GABRG2: variants seen among roughly 807,000 people sequenced by gnomAD.
The protein encoded by GABRG2 is gamma-aminobutyric acid type A receptor subunit gamma2, also known as gamma-aminobutyric acid receptor subunit gamma-2.
Under a neutral mutation model 56.4 loss-of-function variants are expected in GABRG2, and 16 were observed. That is an observed-to-expected ratio of 0.28 (90% CI 0.19 to 0.43). The LOEUF (loss-of-function observed/expected upper bound fraction) is 0.43, where lower values mean the gene tolerates loss of function less well. Among genes scored for constraint, GABRG2 ranks in the 20% least tolerant of loss-of-function variants. The pLI, the probability that GABRG2 is intolerant of heterozygous loss-of-function variation, is 1.00. For missense variants in GABRG2, 327 were observed against 582.7 expected (o/e 0.56, Z 4.52); for synonymous variants, 208 against 205.5 (o/e 1.01, Z -0.10).
intron 6 of GABRG2, among the ~76,000 whole-genome samples, chr5:162,106,402 A>C (rs1761828944): frequency 6.6e-6 from 1 of 152,160 alleles, no homozygotes; most frequent in Non-Finnish European, 1.5e-5. Flanking sequence ...GGTGACGAGA[A>C]AGGGCTGAAT....
chr5:162,077,005 T>G (rs1190524639), intron 1 of GABRG2, among the ~76,000 whole-genome samples: 2 of 152,004 alleles, frequency 1.3e-5, no homozygotes, highest in African/African-American at 2.4e-5. Context: ...TTCAATAAAT[T>G]ATTCAGAATT....
At chr5:162,148,855 T>C (rs1338072404) in intron 7 of GABRG2, among the ~76,000 whole-genome samples, 2 of 152,214 alleles carry the variant, frequency 1.3e-5, no homozygotes, top group Non-Finnish European at 2.9e-5. Context: ...ATTCACAGTA[T>C]ATCTCTCTCA....
chr5:162,149,709 G>C, intron 8 of GABRG2: 1 of 494,820 alleles, frequency 2.0e-6, no homozygotes, highest in Non-Finnish European at 4.0e-6. Flanking sequence ...TGCCTCCTAG[G>C]TTCAAGCAAT....
intron 1 of GABRG2, among the ~76,000 whole-genome samples, chr5:162,079,940 C>T (rs1420941649): frequency 6.6e-6 from 1 of 152,178 alleles, no homozygotes; most frequent in South Asian, 2.1e-4. Flanking sequence ...CCACCATGCT[C>T]AGCTAATTTT....
At chr5:162,073,279 A>G (rs1403882509) in intron 1 of GABRG2, among the ~76,000 whole-genome samples, 2 of 151,802 alleles carry the variant, frequency 1.3e-5, no homozygotes, top group South Asian at 2.1e-4. Flanking sequence ...TTTTTTTTTA[A>G]TATAAGAGCA....
chr5:162,152,941 T>C (rs997688882), intron 9 of GABRG2, 152 bp from the exon 10 acceptor site: 5 of 924,948 alleles, frequency 5.4e-6, no homozygotes, highest in Non-Finnish European at 8.4e-6. Context: ...TCTTTCTAAG[T>C]TCAATTTTAC....
At chr5:162,072,719 A>G (rs1041842559) in intron 1 of GABRG2, among the ~76,000 whole-genome samples, 1 of 151,970 alleles carries the variant, frequency 6.6e-6, no homozygotes, top group Non-Finnish European at 1.5e-5. Flanking sequence ...ACATACACAG[A>G]CACAATCCTG....
At chr5:162,105,085 G>C (rs955466366) in intron 6 of GABRG2, among the ~76,000 whole-genome samples, 7 of 152,084 alleles carry the variant, frequency 4.6e-5, no homozygotes, top group African/African-American at 1.7e-4. Flanking sequence ...TGTTGATTTA[G>C]TCACAAACAC....
chr5:162,089,989 G>C (rs907656463), intron 1 of GABRG2, among the ~76,000 whole-genome samples: 1 of 152,086 alleles, frequency 6.6e-6, no homozygotes, highest in Non-Finnish European at 1.5e-5. Flanking sequence ...TGTTAAAATT[G>C]TGAGCAACCT....
At chr5:162,089,560 TA>T (rs1370996582) in intron 1 of GABRG2, among the ~76,000 whole-genome samples, 1 of 152,054 alleles carries the variant, frequency 6.6e-6, no homozygotes, top group Non-Finnish European at 1.5e-5. Context: ...ATTGCACTTA[TA>T]AAAAAGTAAA....
intron 6 of GABRG2, among the ~76,000 whole-genome samples, chr5:162,130,104 G>T (rs924951185): frequency 6.6e-6 from 1 of 151,910 alleles, no homozygotes; most frequent in Non-Finnish European, 1.5e-5. Flanking sequence ...AAAGTGTACA[G>T]AGGTTTTAAA....
intron 1 of GABRG2, among the ~76,000 whole-genome samples, chr5:162,085,265 A>T (rs992494101): frequency 1.3e-5 from 2 of 152,020 alleles, no homozygotes; most frequent in African/African-American, 4.8e-5. Flanking sequence ...TATTAAGTGG[A>T]ACGAGGTCAT....
chr5:162,089,701 A>T (rs1373872134), intron 1 of GABRG2, among the ~76,000 whole-genome samples: 1 of 152,130 alleles, frequency 6.6e-6, no homozygotes, highest in African/African-American at 2.4e-5. Context: ...TTAGAGAAGG[A>T]TAAATATATA....
intron 6 of GABRG2, among the ~76,000 whole-genome samples, chr5:162,114,027 T>C (rs991957738): frequency 5.9e-5 from 9 of 152,220 alleles, no homozygotes; most frequent in Admixed American, 3.9e-4. Flanking sequence ...GACTCCTGCC[T>C]ATAGCAGGGT....
At chr5:162,118,452 G>A (rs866787795) in intron 6 of GABRG2, among the ~76,000 whole-genome samples, 5 of 151,938 alleles carry the variant, frequency 3.3e-5, no homozygotes, top group Non-Finnish European at 7.4e-5. Context: ...CCCATAACTG[G>A]ACATATTATC....
At chr5:162,115,345 G>A (rs979065938) in intron 6 of GABRG2, among the ~76,000 whole-genome samples, 2 of 152,108 alleles carry the variant, frequency 1.3e-5, no homozygotes, top group Admixed American at 1.3e-4. Flanking sequence ...AACATATGGT[G>A]GGTATTTGCG....
In GABRG2 at chr5:162,153,604, G is replaced by A; in HGVS notation, c.*236G>A. ...AAACCTGCAAGGCAAAGTAAAATTA[G>A]AGCAAGAACATTCAAACCAAATAAG... On this transcript the variant is annotated 3_prime_UTR_variant, in exon 10 of 10. Transcript: ENST00000639213. 5 of 593,452 alleles carry A rather than the reference G, an allele frequency of 8.4e-6. No homozygotes were observed. The highest frequency in any genetic ancestry group is 3.0e-6 in the Non-Finnish European group (1 of 334,112). 36.8% of individuals were successfully genotyped at this position (593,452 alleles called of 1,614,324 possible).
chr5:162,093,715 G>C, intron 1 of GABRG2, 113 bp from the exon 2 acceptor site: 1 of 1,018,984 alleles, frequency 9.8e-7, no homozygotes. Context: ...AGAATTTTCA[G>C]TTTAAACATT....
chr5:162,079,768 T>A (rs1299121442), intron 1 of GABRG2, among the ~76,000 whole-genome samples: 1 of 152,000 alleles, frequency 6.6e-6, no homozygotes, highest in Non-Finnish European at 1.5e-5. Flanking sequence ...ACTCAAACAT[T>A]ATTTATTTTT....
Sources: allele counts gnomAD v4.1 joint callset (sites outside exome capture counted in the v4.1 genomes callset), GRCh38; gene constraint gnomAD v4.1.1; transcripts MANE v1.5; gene names NCBI Gene and HGNC (gene_info 2026-07-23, HGNC 2026-07-21).